NFXL1: variants seen among roughly 807,000 people sequenced by gnomAD.
NFXL1 encodes the protein nuclear transcription factor, X-box binding like 1, also known as NF-X1-type zinc finger protein NFXL1.
In NFXL1, 66 loss-of-function variants were observed where a neutral mutation model predicts 123.3. That is an observed-to-expected ratio of 0.54 (90% CI 0.44 to 0.66). The LOEUF is 0.66. NFXL1 is among the 30% of genes least tolerant of loss of function. The pLI is 0.00. For synonymous variants in NFXL1, 346 were observed against 360.8 expected (o/e 0.96, Z 0.46); for missense variants, 944 against 1,125.6 (o/e 0.84, Z 2.31).
chr4:47,898,481 A>G (rs1407321401), intron 8 of NFXL1, among the ~76,000 whole-genome samples: 1 of 152,182 alleles, frequency 6.6e-6, no homozygotes, highest in East Asian at 1.9e-4. Context: ...AGAGAGGGGA[A>G]AGAGAAGAAG....
chr4:47,866,687 C>A (rs1208071618), intron 18 of NFXL1, among the ~76,000 whole-genome samples: 1 of 152,212 alleles, frequency 6.6e-6, no homozygotes, highest in Non-Finnish European at 1.5e-5. Flanking sequence ...GTAAGACTAG[C>A]CCTTGGCTGG....
chr4:47,852,035 T>C (rs1734146962), intron 20 of NFXL1, 93 bp from the exon 21 acceptor site: 1 of 737,022 alleles, frequency 1.4e-6, no homozygotes, highest in Admixed American at 2.1e-5. Context: ...AGCTTAAGGT[T>C]ATAAGTATTA....
intron 17 of NFXL1, among the ~76,000 whole-genome samples, chr4:47,876,685 T>A (rs1035309053): frequency 1.3e-5 from 2 of 152,130 alleles, no homozygotes; most frequent in African/African-American, 4.8e-5. Flanking sequence ...AGAAGATTAA[T>A]CTGGCTGATG....
Position 47,875,308 on chromosome 4 carries a change from G to A in NFXL1, c.2080-15C>T. On this transcript the variant is annotated splice_polypyrimidine_tract_variant and intron_variant, in intron 17 of 22. Coordinates refer to ENST00000507489, the MANE Select transcript of NFXL1 (RefSeq NM_001278624.2). The stretch of plus-strand genomic sequence containing the variant: ...TCTGGGCCAGCCTGAAAAACAGCAT[G>A]GAAATAAATCACCTAAGTACAAGGT... The A allele has an allele frequency of 6.3e-7, 1 of 1,597,576 alleles. No homozygotes were observed. Among genetic ancestry groups the A allele is most frequent in the South Asian group, 1.1e-5 (1 of 89,040 alleles).
At chr4:47,870,324 C>T (rs1735355262) in intron 18 of NFXL1, among the ~76,000 whole-genome samples, 1 of 152,148 alleles carries the variant, frequency 6.6e-6, no homozygotes, top group Admixed American at 6.5e-5. Flanking sequence ...TAATGATTAT[C>T]TCCACAGATG....
At position 47,899,069 on chromosome 4, in the gene NFXL1, T is replaced by G; in HGVS notation, c.878A>C (p.Lys293Thr). Residue 293 changes from lysine to threonine, a missense_variant, in exon 7 of 23, where the codon AAA (lysine) becomes ACA (threonine). Physicochemically the swap from Lys to Thr is moderately conservative, Grantham distance 78. Transcript: ENST00000507489. Reference sequence around the variant, plus strand: ...GCACCTACGAGGGATAGGTTTTGCTTTCTTACAGTAACAAGTAGTTGTGAC... The same window carrying G: ...GCACCTACGAGGGATAGGTTTTGCTGTCTTACAGTAACAAGTAGTTGTGAC... ...KMVTTTCYCK[K>T]AKPIPRRCSA... 6.2e-7 allele frequency: 1 copy of G among 1,613,040 alleles called. No individual in the cohort carries two copies. The highest frequency in any genetic ancestry group is 8.5e-7 in the Non-Finnish European group (1 of 1,179,872).
chr4:47,864,141 A>G (rs544158646), intron 18 of NFXL1, among the ~76,000 whole-genome samples: 1 of 152,202 alleles, frequency 6.6e-6, no homozygotes, highest in Non-Finnish European at 1.5e-5. Context: ...TCTTACAAGT[A>G]TAATGTTCAC....
chr4:47,877,150 T>A, intron 17 of NFXL1: 1 of 499,456 alleles, frequency 2.0e-6, no homozygotes, highest in Non-Finnish European at 3.8e-6. Flanking sequence ...TACTCTCCTG[T>A]TGCAGAATCA....
chr4:47,906,085 CCT>C (rs1414102645), intron 3 of NFXL1, among the ~76,000 whole-genome samples: 1 of 152,176 alleles, frequency 6.6e-6, no homozygotes, highest in Non-Finnish European at 1.5e-5. Flanking sequence ...ACCCTCTTAA[CCT>C]CTATGCTGCA....
At chr4:47,881,653 G>T (rs1450320823) in intron 15 of NFXL1, among the ~76,000 whole-genome samples, 1 of 152,050 alleles carries the variant, frequency 6.6e-6, no homozygotes, top group Non-Finnish European at 1.5e-5. Context: ...ATGGTAAATG[G>T]ATAAACAAAC....
At chr4:47,880,426 CA>C (rs752132328) in intron 15 of NFXL1, among the ~76,000 whole-genome samples, 2,582 of 36,634 alleles carry the variant, frequency 0.07, 25 homozygotes, top group African/African-American at 0.2. Flanking sequence ...GATCCAGTCT[CA>C]AAAAAAAAAA....
chr4:47,906,586 TA>T (rs1436524592), intron 3 of NFXL1, among the ~76,000 whole-genome samples: 1 of 152,170 alleles, frequency 6.6e-6, no homozygotes, highest in African/African-American at 2.4e-5. Flanking sequence ...TTGAAGTTTT[TA>T]AAAAAATCCT....
At chr4:47,862,462 T>C (rs1187214999) in intron 19 of NFXL1, among the ~76,000 whole-genome samples, 1 of 152,152 alleles carries the variant, frequency 6.6e-6, no homozygotes, top group East Asian at 1.9e-4. Context: ...CACATGCACA[T>C]GCATACACAC....
In NFXL1 at chr4:47,848,071, T is replaced by G; in HGVS notation, c.*92A>C. 1.3e-6 allele frequency: 1 copy of G among 742,558 alleles called. No homozygotes were observed. The highest frequency in any genetic ancestry group is 2.1e-6 in the Non-Finnish European group (1 of 469,092). The allele number at this position is 742,558 out of a possible 1,614,324, so 46.0% of individuals were successfully genotyped here. On this transcript the variant is annotated 3_prime_UTR_variant, in exon 23 of 23. Coordinates refer to ENST00000507489, the MANE Select transcript of NFXL1 (RefSeq NM_001278624.2). ...GAATACAGAGATGAATGTAAATATA[T>G]ATCATGTTCTATAATATACATTTTC...
chr4:47,867,489 A>C (rs1339477137), intron 18 of NFXL1, among the ~76,000 whole-genome samples: 1 of 152,184 alleles, frequency 6.6e-6, no homozygotes. Flanking sequence ...AAAAAACAAA[A>C]TAAATGAAAC....
At chr4:47,877,490 C>G (rs1735822328) in intron 17 of NFXL1, among the ~76,000 whole-genome samples, 1 of 152,064 alleles carries the variant, frequency 6.6e-6, no homozygotes, top group Non-Finnish European at 1.5e-5. Context: ...TTCTGACTCA[C>G]TCCGTATTCT....
At chr4:47,905,213 A>C in intron 4 of NFXL1, 24 bp downstream of exon 4, 1 of 989,906 alleles carries the variant, frequency 1.0e-6, no homozygotes, top group East Asian at 2.4e-5. Flanking sequence ...AGATACATTA[A>C]TATAAATAAG....
At position 47,899,214 on chromosome 4, in the gene NFXL1, A is replaced by G. The variant is rs531716935; in HGVS notation, c.827-94T>C. ...TTCTACACCTATCAATAATTTCTAG[A>G]ACTTTCTTTACTGACACTTTACAAA... On this transcript the variant is annotated intron_variant, in intron 6 of 22. Coordinates refer to ENST00000507489, the MANE Select transcript of NFXL1 (RefSeq NM_001278624.2). 1.1e-4 allele frequency: 150 copies of G among 1,337,434 alleles called. 2 individuals are homozygous for G. In the South Asian group the frequency reaches 2.2e-3, roughly 20 times the overall value. The allele number at this position is 1,337,434 out of a possible 1,614,324, so 82.8% of individuals were successfully genotyped here.
intron 18 of NFXL1, among the ~76,000 whole-genome samples, chr4:47,868,493 C>T (rs1457195388): frequency 1.3e-5 from 2 of 150,204 alleles, no homozygotes; most frequent in Non-Finnish European, 1.5e-5. Flanking sequence ...AAATGAGAAC[C>T]AGGTGATAAA....
Sources: allele counts gnomAD v4.1 joint callset (sites outside exome capture counted in the v4.1 genomes callset), GRCh38; gene constraint gnomAD v4.1.1; transcripts MANE v1.5; gene names NCBI Gene and HGNC (gene_info 2026-07-23, HGNC 2026-07-21).